CREB3L2: variants seen among roughly 807,000 people sequenced by gnomAD.
CREB3L2 encodes cyclic AMP-responsive element-binding protein 3-like protein 2.
Under a neutral mutation model 57.2 loss-of-function variants are expected in CREB3L2, and 23 were observed. The observed-to-expected ratio is 0.40, with a 90% CI of 0.29 to 0.57. The LOEUF is 0.57. CREB3L2 is among the 20% of genes least tolerant of loss of function. The pLI, the probability that CREB3L2 is intolerant of heterozygous loss-of-function variation, is 0.42. For synonymous variants in CREB3L2, 268 were observed against 265.1 expected, an observed-to-expected ratio of 1.01 and a Z score of -0.11; for missense variants, 628 against 634.7, an observed-to-expected ratio of 0.99 and a Z score of 0.11.
At chr7:137,944,220 G>C (rs532471707) in intron 1 of CREB3L2, among the ~76,000 whole-genome samples, 202 of 152,254 alleles carry the variant, frequency 1.3e-3, no homozygotes, top group African/African-American at 4.5e-3. Context: ...AGAAGGGAAA[G>C]GGAAAGAAAA....
chr7:137,908,517 T>A, intron 4 of CREB3L2, 81 bp from the exon 5 acceptor site: 1 of 1,039,812 alleles, frequency 9.6e-7, no homozygotes. Context: ...CAAACTAAAG[T>A]GTGAGGGGCC....
At chr7:137,969,015 T>C (rs1585665658) in intron 1 of CREB3L2, among the ~76,000 whole-genome samples, 2 of 152,292 alleles carry the variant, frequency 1.3e-5, no homozygotes, top group East Asian at 3.9e-4. Context: ...GAAGAAGACG[T>C]GGCGCCCCAT....
At chr7:137,975,783 A>C (rs1801596937) in intron 1 of CREB3L2, among the ~76,000 whole-genome samples, 1 of 152,252 alleles carries the variant, frequency 6.6e-6, no homozygotes, top group African/African-American at 2.4e-5. Flanking sequence ...AGAGACAATC[A>C]AGCTTTGCAT....
chr7:137,918,643 C>A (rs1428316815), intron 2 of CREB3L2, among the ~76,000 whole-genome samples: 1 of 151,938 alleles, frequency 6.6e-6, no homozygotes, highest in Non-Finnish European at 1.5e-5. Context: ...CACACAATTA[C>A]CAGGAAATTG....
At chr7:137,978,592 C>T (rs1236795000) in intron 1 of CREB3L2, among the ~76,000 whole-genome samples, 1 of 152,122 alleles carries the variant, frequency 6.6e-6, no homozygotes, top group Non-Finnish European at 1.5e-5. Context: ...CATGTCATAT[C>T]GTTTTCAAAT....
Position 137,928,151 on chromosome 7 carries a change from G to A in CREB3L2, c.318C>T (p.Asp106=), listed in dbSNP as rs770778169. 4.8e-5 allele frequency: 74 copies of A among 1,535,482 alleles called. No individual in the cohort carries two copies. The highest frequency in any genetic ancestry group is 1.9e-4 in the Middle Eastern group (1 of 5,384). ...GTCTTCCTCCTCCTCTGAGTTTACC[G>A]TCATTGAAGCTGTCACTGGTGGTAA... is the stretch of plus-strand genomic sequence containing the variant. ...THITTSDSFN[D]DEVESEKWYL... The change falls in exon 2 of 12, where the codon GAC becomes GAT. Residue 106 remains aspartate (D), a splice_region_variant and synonymous_variant. Coordinates refer to ENST00000330387, the MANE Select transcript of CREB3L2 (RefSeq NM_194071.4).
chr7:137,969,013 C>T (rs1175253004), intron 1 of CREB3L2, among the ~76,000 whole-genome samples: 2 of 152,132 alleles, frequency 1.3e-5, no homozygotes, highest in Non-Finnish European at 2.9e-5. Context: ...ACGAAGAAGA[C>T]GTGGCGCCCC....
At chr7:137,967,848 G>A (rs1272465792) in intron 1 of CREB3L2, among the ~76,000 whole-genome samples, 9 of 152,206 alleles carry the variant, frequency 5.9e-5, no homozygotes, top group Non-Finnish European at 1.3e-4. Context: ...CCCTCACTGT[G>A]ATGCCCCATC....
chr7:137,889,585 A>G (rs1194240875), intron 8 of CREB3L2, among the ~76,000 whole-genome samples: 2 of 152,230 alleles, frequency 1.3e-5, no homozygotes, highest in Non-Finnish European at 2.9e-5. Context: ...AACAGTGACT[A>G]ATAATATGCT....
In CREB3L2 at chr7:138,001,069, G is replaced by A. The variant is rs1802064628; in HGVS notation, c.102+535C>T. Among the ~76,000 whole-genome samples the A allele has an allele frequency of 1.4e-5, 2 of 139,046 alleles. No homozygotes were observed. Among genetic ancestry groups the A allele is most frequent in the Admixed American group, 1.5e-4 (2 of 13,408 alleles). 91.2% of individuals were successfully genotyped at this position (139,046 alleles called of 152,430 possible). On this transcript the variant is annotated intron_variant, in intron 1 of 11. Transcript: ENST00000330387. This position sits in a 1 kb window ranked among gnomAD's most constrained non-coding sequence, Gnocchi z 4.2. ...TAAAGCCGCCTTTCTCCCTAACGTA[G>A]AGGAGCCCTTTCAACACACACACAC...
chr7:137,915,464 G>A (rs1046624081), intron 3 of CREB3L2, among the ~76,000 whole-genome samples: 1 of 152,092 alleles, frequency 6.6e-6, no homozygotes, highest in African/African-American at 2.4e-5. Context: ...ATTCCCAGTA[G>A]CCATGCACTG....
intron 7 of CREB3L2, among the ~76,000 whole-genome samples, chr7:137,903,337 C>T (rs903716998): frequency 1.3e-5 from 2 of 152,244 alleles, no homozygotes; most frequent in African/African-American, 4.8e-5. Flanking sequence ...TCTGGGGCCT[C>T]ATGCCCATCT....
At chr7:137,986,005 A>G (rs1349823044) in intron 1 of CREB3L2, among the ~76,000 whole-genome samples, 1 of 151,440 alleles carries the variant, frequency 6.6e-6, no homozygotes, top group Non-Finnish European at 1.5e-5. Flanking sequence ...ACTATTGGAG[A>G]AAAAAAAATA....
Position 137,880,623 on chromosome 7 carries a change from G to T in CREB3L2, c.1488-72C>A, listed in dbSNP as rs961891557. ...AGCTACAATTCTCATGCTTTGTAGCGTGATGCAATCATTCAGGGGTTGCAA... is the reference window on the plus strand; with the variant it reads ...AGCTACAATTCTCATGCTTTGTAGCTTGATGCAATCATTCAGGGGTTGCAA... On this transcript the variant is annotated intron_variant, in intron 11 of 11. Coordinates refer to ENST00000330387, the MANE Select transcript of CREB3L2 (RefSeq NM_194071.4). This position sits in a 1 kb window ranked among gnomAD's most constrained non-coding sequence, Gnocchi z 4.0. 8.1e-7 allele frequency: 1 copy of T among 1,233,316 alleles called. No individual in the cohort carries two copies. The highest frequency in any genetic ancestry group is 1.2e-6 in the Non-Finnish European group (1 of 840,350). The allele number at this position is 1,233,316 out of a possible 1,614,324, so 76.4% of individuals were successfully genotyped here.
At chr7:137,926,538 T>C (rs1306628599) in intron 2 of CREB3L2, among the ~76,000 whole-genome samples, 1 of 151,622 alleles carries the variant, frequency 6.6e-6, no homozygotes, top group Admixed American at 6.6e-5. Context: ...TGAGAACACA[T>C]AGACACAGGG....
Position 137,878,881 on chromosome 7 carries a change from G to C in CREB3L2, c.*1595C>G. 1 of 373,534 alleles carries C rather than the reference G, an allele frequency of 2.7e-6. No individual in the cohort carries two copies. Among genetic ancestry groups the C allele is most frequent in the Non-Finnish European group, 5.0e-6 (1 of 200,388 alleles). The allele number at this position is 373,534 out of a possible 1,614,324, so 23.1% of individuals were successfully genotyped here. A position where few individuals can be genotyped will look rare whatever the true frequency, so the allele number is the denominator to read the frequency against. On this transcript the variant is annotated 3_prime_UTR_variant, in exon 12 of 12. Coordinates refer to ENST00000330387, the MANE Select transcript of CREB3L2 (RefSeq NM_194071.4). ...TGTGGGCTTAATCCCTCTAAGTACA[G>C]GCTCCAATAACAATGCAGATGACGT...
intron 1 of CREB3L2, among the ~76,000 whole-genome samples, chr7:137,965,092 T>C (rs1473597408): frequency 6.6e-6 from 1 of 152,168 alleles, no homozygotes; most frequent in East Asian, 1.9e-4. Flanking sequence ...CTAGTTCTAC[T>C]ACAGAGATTG....
At chr7:137,912,921 C>G (rs769729599) in intron 4 of CREB3L2, 70 bp downstream of exon 4, 1 of 1,595,740 alleles carries the variant, frequency 6.3e-7, no homozygotes. Flanking sequence ...AGCTCTCTCG[C>G]CATATTCCCT....
intron 8 of CREB3L2, among the ~76,000 whole-genome samples, chr7:137,899,303 C>A (rs905986645): frequency 4.6e-5 from 7 of 152,140 alleles, no homozygotes; most frequent in Non-Finnish European, 5.9e-5. Context: ...CCCCATGTGG[C>A]CCAGGGAAGG....
Sources: allele counts gnomAD v4.1 joint callset (sites outside exome capture counted in the v4.1 genomes callset), GRCh38; gene constraint gnomAD v4.1.1; non-coding constraint Gnocchi (gnomAD v3.1); transcripts MANE v1.5; gene names NCBI Gene and HGNC (gene_info 2026-07-23, HGNC 2026-07-21).